The following CEP85L variants were observed in gnomAD, a reference collection of about 807,000 sequenced individuals.
The protein encoded by CEP85L is centrosomal protein of 85 kDa-like.
A neutral mutation model predicts 100.3 loss-of-function variants in CEP85L; 60 were observed. The observed-to-expected ratio is 0.60, with a 90% CI of 0.49 to 0.74. The LOEUF (loss-of-function observed/expected upper bound fraction) is 0.74. Ranked by LOEUF, CEP85L falls within the 30% of genes least tolerant of loss-of-function variation. The probability of loss-of-function intolerance (pLI) is 0.00; values close to 1 mark genes in which losing one functional copy is unlikely to be tolerated. For synonymous variants in CEP85L, 319 were observed against 322.7 expected, an observed-to-expected ratio of 0.99 and a Z score of 0.12; for missense variants, 973 against 936.2, an observed-to-expected ratio of 1.04 and a Z score of -0.51.
chr6:118,522,318 C>A (rs1776715821), intron 4 of CEP85L, among the ~76,000 whole-genome samples: 2 of 152,138 alleles, frequency 1.3e-5, no homozygotes, highest in Admixed American at 1.3e-4. Flanking sequence ...CGAGATCATG[C>A]CATTGCACTC....
At chr6:118,637,507 G>C (rs1774573222) in intron 1 of CEP85L, among the ~76,000 whole-genome samples, 1 of 149,922 alleles carries the variant, frequency 6.7e-6, no homozygotes, top group African/African-American at 2.5e-5. Flanking sequence ...AGACCAGCCT[G>C]GAAAACATGG....
chr6:118,596,011 T>C (rs909017825), intron 2 of CEP85L, among the ~76,000 whole-genome samples: 2 of 152,200 alleles, frequency 1.3e-5, no homozygotes, highest in African/African-American at 4.8e-5. Context: ...GAAATTAATA[T>C]AATTATGTGA....
chr6:118,554,189 G>A (rs201589696), intron 3 of CEP85L, among the ~76,000 whole-genome samples: 1 of 152,138 alleles, frequency 6.6e-6, no homozygotes, highest in East Asian at 1.9e-4. Context: ...TCAGGAGGCT[G>A]AGGCAGGGAG....
At chr6:118,533,003 G>C (rs1450523063) in intron 3 of CEP85L, among the ~76,000 whole-genome samples, 1 of 152,068 alleles carries the variant, frequency 6.6e-6, no homozygotes, top group East Asian at 1.9e-4. Flanking sequence ...AGGTAAAGCA[G>C]TACTGAGAAG....
chr6:118,465,155 G>T lies in CEP85L; in HGVS notation c.*250C>A. 1 of 407,058 alleles carries T rather than the reference G, an allele frequency of 2.5e-6. No homozygotes were observed. The highest frequency in any genetic ancestry group is 4.4e-6 in the Non-Finnish European group (1 of 225,872). The allele number at this position is 407,058 out of a possible 1,614,324, so 25.2% of individuals were successfully genotyped here. On this transcript the variant is annotated 3_prime_UTR_variant, in exon 13 of 13. Coordinates refer to ENST00000368491, the MANE Select transcript of CEP85L (RefSeq NM_001042475.3). The stretch of plus-strand genomic sequence containing the variant: ...AGCTTGGTCCTACAATCAGTAGTTT[G>T]AGAATATAGACATTTTTTTCCTTGT...
intron 3 of CEP85L, among the ~76,000 whole-genome samples, chr6:118,555,034 C>A (rs1263617926): frequency 6.6e-6 from 1 of 152,140 alleles, no homozygotes; most frequent in Admixed American, 6.6e-5. Context: ...CCTTTTAAGA[C>A]CACTTAAGCC....
At chr6:118,551,260 T>C (rs1333316538) in intron 3 of CEP85L, among the ~76,000 whole-genome samples, 2 of 151,848 alleles carry the variant, frequency 1.3e-5, no homozygotes, top group Non-Finnish European at 3.0e-5. Flanking sequence ...AGCATACTCA[T>C]AGTCAACTGA....
Position 118,494,332 on chromosome 6 carries a change from G to A in CEP85L, c.1258-2467C>T, listed in dbSNP as rs144054912. 3.7e-3 allele frequency among the ~76,000 whole-genome samples: 565 copies of A among 152,264 alleles called. 3 individuals are homozygous for A. Among genetic ancestry groups the A allele is most frequent in the African/African-American group, 0.013 (539 of 41,556 alleles). Reference sequence around the variant, plus strand: ...TCCCCTCCTGTTTCTGGCAGGGGGAGGGGAAAAGGAACCATTTAAAATATG... The same window carrying A: ...TCCCCTCCTGTTTCTGGCAGGGGGAAGGGAAAAGGAACCATTTAAAATATG... On this transcript the variant is annotated intron_variant, in intron 5 of 12. Coordinates refer to ENST00000368491, the MANE Select transcript of CEP85L (RefSeq NM_001042475.3).
intron 1 of CEP85L, among the ~76,000 whole-genome samples, chr6:118,694,148 C>A (rs1358380412): frequency 1.3e-5 from 2 of 152,170 alleles, no homozygotes; most frequent in Non-Finnish European, 2.9e-5. Context: ...TAATACGATG[C>A]AGATATATCC....
At chr6:118,581,165 G>A (rs1026592686) in intron 2 of CEP85L, among the ~76,000 whole-genome samples, 2 of 152,080 alleles carry the variant, frequency 1.3e-5, no homozygotes, top group Non-Finnish European at 2.9e-5. Context: ...GTCTTCCATA[G>A]CCAAATTTTA....
At chr6:118,647,695 A>T (rs1053809234) in intron 1 of CEP85L, among the ~76,000 whole-genome samples, 1 of 152,200 alleles carries the variant, frequency 6.6e-6, no homozygotes, top group African/African-American at 2.4e-5. Context: ...ATTTACGAAA[A>T]GGAACATACT....
chr6:118,579,716 T>C (rs539372047), intron 2 of CEP85L, among the ~76,000 whole-genome samples: 4 of 152,358 alleles, frequency 2.6e-5, no homozygotes, highest in African/African-American at 9.6e-5. Context: ...CCCTATGTTA[T>C]AGGAGTTATT....
At chr6:118,545,542 C>T (rs1006723942) in intron 3 of CEP85L, among the ~76,000 whole-genome samples, 10 of 152,208 alleles carry the variant, frequency 6.6e-5, no homozygotes, top group Middle Eastern at 3.4e-3. Context: ...GAGCTGAGAT[C>T]GCACCATTCA....
At chr6:118,517,944 G>T (rs1280468854) in intron 4 of CEP85L, among the ~76,000 whole-genome samples, 3 of 152,190 alleles carry the variant, frequency 2.0e-5, no homozygotes, top group Non-Finnish European at 4.4e-5. Flanking sequence ...TTAGCATGAA[G>T]GGGTGTCGAA....
chr6:118,673,522 A>T (rs1461813102), intron 1 of CEP85L, among the ~76,000 whole-genome samples: 1 of 152,218 alleles, frequency 6.6e-6, no homozygotes, highest in Admixed American at 6.5e-5. Flanking sequence ...CTTCATATAG[A>T]CAGCGTACTG....
intron 6 of CEP85L, chr6:118,491,382 G>T: frequency 1.2e-6 from 1 of 817,046 alleles, no homozygotes; most frequent in Non-Finnish European, 1.6e-6. Context: ...TGCCCAACAT[G>T]ACAAAAAAAA....
At chr6:118,529,671 G>C (rs1277895675) in intron 3 of CEP85L, among the ~76,000 whole-genome samples, 1 of 147,244 alleles carries the variant, frequency 6.8e-6, no homozygotes, top group Non-Finnish European at 1.5e-5. Flanking sequence ...TAAGTTTCAA[G>C]TATTATGCCC....
chr6:118,627,759 A>G (rs1773896959), intron 2 of CEP85L, among the ~76,000 whole-genome samples: 1 of 152,220 alleles, frequency 6.6e-6, no homozygotes, highest in South Asian at 2.1e-4. Flanking sequence ...CCATTTTGAA[A>G]TATACCAGAA....
intron 2 of CEP85L, among the ~76,000 whole-genome samples, chr6:118,608,311 C>T (rs565398062): frequency 1.1e-4 from 17 of 151,996 alleles, no homozygotes; most frequent in South Asian, 2.1e-4. Flanking sequence ...CTGGCTAACA[C>T]GGTGAAACCC....
Sources: allele counts gnomAD v4.1 joint callset (sites outside exome capture counted in the v4.1 genomes callset), GRCh38; gene constraint gnomAD v4.1.1; transcripts MANE v1.5; gene names NCBI Gene and HGNC (gene_info 2026-07-23, HGNC 2026-07-21).